Variants in CRADD observed in about 807,000 individuals in gnomAD.
CRADD encodes the protein death domain-containing protein CRADD.
CRADD carries 9 observed loss-of-function variants against 15.5 expected under a neutral mutation model. That is an observed-to-expected ratio of 0.58 (90% CI 0.35 to 1.01). The LOEUF (loss-of-function observed/expected upper bound fraction) is 1.01. Ranked by LOEUF, CRADD falls within the 50% of genes least tolerant of loss-of-function variation. CRADD has a pLI of 0.02. For missense variants in CRADD, 227 were observed against 250.3 expected, an observed-to-expected ratio of 0.91 and a Z score of 0.63; for synonymous variants, 118 against 107.6, an observed-to-expected ratio of 1.10 and a Z score of -0.60.
chr12:93,791,643 T>G (rs1957350705), intron 2 of CRADD, among the ~76,000 whole-genome samples: 1 of 152,148 alleles, frequency 6.6e-6, no homozygotes, highest in Admixed American at 6.6e-5. Flanking sequence ...TAATGTTTAC[T>G]TCAAAATTGC....
intron 2 of CRADD, among the ~76,000 whole-genome samples, chr12:93,866,410 A>G (rs1958367848): frequency 2.0e-5 from 3 of 152,096 alleles, no homozygotes; most frequent in Admixed American, 2.0e-4. Flanking sequence ...AATGTTTTTA[A>G]TTGCTAAGAC....
intron 2 of CRADD, among the ~76,000 whole-genome samples, chr12:93,799,060 G>A (rs1325043542): frequency 2.0e-5 from 3 of 152,066 alleles, no homozygotes; most frequent in Non-Finnish European, 4.4e-5. Flanking sequence ...GGGGAGAAAG[G>A]ACATGCATTT....
At chr12:93,716,661 T>C (rs866791013) in intron 2 of CRADD, among the ~76,000 whole-genome samples, 6 of 152,230 alleles carry the variant, frequency 3.9e-5, no homozygotes, top group African/African-American at 1.4e-4. Flanking sequence ...TTCTTTTACT[T>C]GGCAATATGC....
At chr12:93,776,392 T>C (rs1957140536) in intron 2 of CRADD, among the ~76,000 whole-genome samples, 1 of 152,230 alleles carries the variant, frequency 6.6e-6, no homozygotes, top group Admixed American at 6.5e-5. Context: ...AAAATTTTTT[T>C]GAAGACTGTG....
At chr12:93,714,797 C>A (rs1200781681) in intron 2 of CRADD, 1 of 152,226 alleles carries the variant, frequency 6.6e-6, no homozygotes, top group Non-Finnish European at 1.5e-5. Context: ...TTCCAGAAAT[C>A]CTCAACACAA....
chr12:93,724,432 C>A (rs2136896337), intron 2 of CRADD, among the ~76,000 whole-genome samples: 1 of 152,058 alleles, frequency 6.6e-6, no homozygotes, highest in South Asian at 2.1e-4. Flanking sequence ...TCTGTATCTG[C>A]CTGTCTGTTG....
intron 2 of CRADD, among the ~76,000 whole-genome samples, chr12:93,864,317 G>T (rs1164265613): frequency 1.3e-5 from 2 of 152,120 alleles, no homozygotes; most frequent in Non-Finnish European, 2.9e-5. Flanking sequence ...GCCTCCTGAA[G>T]TGCTGGGATT....
intron 2 of CRADD, among the ~76,000 whole-genome samples, chr12:93,814,770 A>C (rs1957672401): frequency 6.6e-6 from 1 of 152,232 alleles, no homozygotes; most frequent in Admixed American, 6.5e-5. Flanking sequence ...AGTCATTTTC[A>C]TAACTGGAAA....
At chr12:93,787,666 C>T (rs948556490) in intron 2 of CRADD, among the ~76,000 whole-genome samples, 1 of 152,118 alleles carries the variant, frequency 6.6e-6, no homozygotes. Flanking sequence ...TTAAAACTAT[C>T]CAAACTGGAA....
At chr12:93,783,117 T>C (rs1362568378) in intron 2 of CRADD, among the ~76,000 whole-genome samples, 1 of 152,060 alleles carries the variant, frequency 6.6e-6, no homozygotes, top group Non-Finnish European at 1.5e-5. Context: ...CTTTTTTGCC[T>C]CTTTCCTTTC....
chr12:93,738,733 A>T (rs1003692871), intron 2 of CRADD: 1 of 368,916 alleles, frequency 2.7e-6, no homozygotes, highest in African/African-American at 2.1e-5. Context: ...ATCACAAAAG[A>T]TAACAGGGAC....
intron 2 of CRADD, among the ~76,000 whole-genome samples, chr12:93,717,929 G>T (rs888731399): frequency 6.6e-6 from 1 of 152,120 alleles, no homozygotes; most frequent in Non-Finnish European, 1.5e-5. Context: ...TTTGTTGAAC[G>T]GACTGTCTTT....
chr12:93,760,151 A>T (rs1274313504), intron 2 of CRADD, among the ~76,000 whole-genome samples: 3 of 152,176 alleles, frequency 2.0e-5, no homozygotes, highest in Non-Finnish European at 4.4e-5. Context: ...GAGGATAGAG[A>T]AAAAAATACA....
chr12:93,709,204 G>A (rs1023713700), intron 2 of CRADD: 4 of 152,156 alleles, frequency 2.6e-5, no homozygotes, highest in African/African-American at 9.7e-5. Context: ...ACCATTTTGC[G>A]AATATGTAAG....
chr12:93,802,480 A>G (rs1316959895), intron 2 of CRADD, among the ~76,000 whole-genome samples: 1 of 133,980 alleles, frequency 7.5e-6, no homozygotes, highest in East Asian at 2.5e-4. Flanking sequence ...GTGATGCAGC[A>G]GCCAGGAGAA....
At chr12:93,719,586 A>G (rs909103807) in intron 2 of CRADD, among the ~76,000 whole-genome samples, 2 of 152,174 alleles carry the variant, frequency 1.3e-5, no homozygotes, top group African/African-American at 4.8e-5. Flanking sequence ...GGTACTTTCT[A>G]TTTTAAAGGT....
chr12:93,742,435 A>G (rs902332320), intron 2 of CRADD, among the ~76,000 whole-genome samples: 2 of 144,656 alleles, frequency 1.4e-5, no homozygotes, highest in African/African-American at 5.6e-5. Flanking sequence ...CAGCCGCCCT[A>G]GGGCGCCGGC....
chr12:93,754,988 G>T (rs766261956), intron 2 of CRADD, among the ~76,000 whole-genome samples: 1 of 151,980 alleles, frequency 6.6e-6, no homozygotes, highest in Non-Finnish European at 1.5e-5. Context: ...GGGTTTAGTG[G>T]ATTCACAGTT....
At chr12:93,740,109 T>G (rs760498162) in intron 2 of CRADD, among the ~76,000 whole-genome samples, 1 of 152,182 alleles carries the variant, frequency 6.6e-6, no homozygotes, top group Non-Finnish European at 1.5e-5. Flanking sequence ...AAAAATATAT[T>G]TAAAACTGCA....
Sources: gnomAD v4.1 joint callset for allele counts (sites outside exome capture counted in the v4.1 genomes callset) on GRCh38, gnomAD v4.1.1 for gene constraint, MANE v1.5 for transcripts, NCBI Gene and HGNC (gene_info 2026-07-23, HGNC 2026-07-21) for gene names.